Variants in COL18A1 observed in about 807,000 individuals in gnomAD.
COL18A1 encodes collagen alpha-1(XVIII) chain.
In COL18A1, 133 loss-of-function variants were observed where a neutral mutation model predicts 168.0. The ratio of observed to expected loss-of-function variants is 0.79; its 90% CI spans 0.69 to 0.91. The LOEUF (loss-of-function observed/expected upper bound fraction) is 0.91. COL18A1 is among the 40% of genes least tolerant of loss of function. The pLI, the probability that COL18A1 is intolerant of heterozygous loss-of-function variation, is 0.00. For missense variants in COL18A1, 2,126 were observed against 1,925.4 expected (o/e 1.10, Z -1.95); for synonymous variants, 949 against 809.0 (o/e 1.17, Z -2.94).
intron 2 of COL18A1, among the ~76,000 whole-genome samples, chr21:45,465,431 G>A (rs1295575398): frequency 1.3e-5 from 2 of 152,214 alleles, no homozygotes; most frequent in African/African-American, 2.4e-5. Flanking sequence ...TTTGTTCTGA[G>A]GCCGTTTTTC....
At chr21:45,464,013 T>TA (rs1481819220) in intron 2 of COL18A1, among the ~76,000 whole-genome samples, 1 of 152,238 alleles carries the variant, frequency 6.6e-6, no homozygotes, top group African/African-American at 2.4e-5. Context: ...AGAAACTCCC[T>TA]ATGGGCACTG....
chr21:45,483,438 T>G (rs1276971532), intron 15 of COL18A1, among the ~76,000 whole-genome samples: 3 of 152,184 alleles, frequency 2.0e-5, no homozygotes, highest in African/African-American at 7.2e-5. Context: ...GGCCACAGCC[T>G]GCTTGACCAG....
intron 2 of COL18A1, among the ~76,000 whole-genome samples, chr21:45,439,996 C>A (rs1254745235): frequency 6.6e-6 from 1 of 152,236 alleles, no homozygotes; most frequent in Non-Finnish European, 1.5e-5. Flanking sequence ...CACCTCCCAC[C>A]CCTTCTGTGG....
intron 2 of COL18A1, among the ~76,000 whole-genome samples, chr21:45,449,427 G>A (rs548828397): frequency 1.8e-4 from 28 of 152,278 alleles, no homozygotes; most frequent in Admixed American, 3.9e-4. Flanking sequence ...TCTGCCGAGC[G>A]GTCAGAGGGA....
intron 2 of COL18A1, chr21:45,455,845 G>C (rs1179298141): frequency 6.2e-7 from 1 of 1,613,188 alleles, no homozygotes; most frequent in Non-Finnish European, 8.5e-7. Context: ...CGCCAGAGGA[G>C]AACATTGCCG....
intron 2 of COL18A1, among the ~76,000 whole-genome samples, chr21:45,467,627 C>A (rs112064388): frequency 6.6e-6 from 1 of 152,212 alleles, no homozygotes; most frequent in Admixed American, 6.5e-5. Flanking sequence ...CTCTGGGCGA[C>A]GCCCCGTAGC....
At chr21:45,429,471 T>G (rs1455904608) in intron 2 of COL18A1, among the ~76,000 whole-genome samples, 1 of 152,096 alleles carries the variant, frequency 6.6e-6, no homozygotes, top group African/African-American at 2.4e-5. Context: ...GCCCGCCCAT[T>G]CCATCATTCA....
At chr21:45,456,508 C>T (rs1406215677) in intron 2 of COL18A1, 1 of 1,547,636 alleles carries the variant, frequency 6.5e-7, no homozygotes, top group South Asian at 1.2e-5. Context: ...TCGGGGCTGA[C>T]CCCGAGGCCC....
At position 45,482,191 on chromosome 21, in the gene COL18A1, C is replaced by T. The variant is rs576777227; in HGVS notation, c.1674+166C>T. The T allele has an allele frequency of 1.6e-4, 101 of 630,786 alleles. 2 individuals are homozygous for T. The highest frequency in any genetic ancestry group is 9.2e-4 in the South Asian group (51 of 55,604). 39.1% of individuals were successfully genotyped at this position (630,786 alleles called of 1,614,324 possible). A position where few individuals can be genotyped will look rare whatever the true frequency, so the allele number is the denominator to read the frequency against. On this transcript the variant is annotated intron_variant, in intron 14 of 41. Coordinates refer to ENST00000651438, the MANE Select transcript of COL18A1 (RefSeq NM_001379500.1). ...GCTCTGGAGGTCACCCTGACCTGGG[C>T]GGCTGGGGCTTGGGTAGAAATTCAT...
chr21:45,481,283 C>G (rs959838602), intron 13 of COL18A1, among the ~76,000 whole-genome samples: 1 of 152,148 alleles, frequency 6.6e-6, no homozygotes, highest in Non-Finnish European at 1.5e-5. Flanking sequence ...CCCACCAGCT[C>G]TGCCACACAT....
At chr21:45,460,240 C>T (rs1036231095) in intron 2 of COL18A1, among the ~76,000 whole-genome samples, 7 of 152,224 alleles carry the variant, frequency 4.6e-5, no homozygotes, top group Non-Finnish European at 8.8e-5. Flanking sequence ...CATCCACCCT[C>T]GTGGTGCAGG....
chr21:45,489,861 TGCC>T, intron 19 of COL18A1, among the ~76,000 whole-genome samples: 1 of 15,122 alleles, frequency 6.6e-5, no homozygotes, highest in East Asian at 2.2e-3. Context: ...CTCCCCCACT[TGCC>T]CCTCCCCCAC....
chr21:45,437,476 C>A, intron 2 of COL18A1, among the ~76,000 whole-genome samples: 1 of 76,032 alleles, frequency 1.3e-5, no homozygotes, highest in Non-Finnish European at 2.4e-5. Flanking sequence ...AGGCACTCTC[C>A]TGCACACACT....
intron 3 of COL18A1, among the ~76,000 whole-genome samples, chr21:45,472,904 C>T (rs2035497447): frequency 6.6e-6 from 1 of 152,234 alleles, no homozygotes; most frequent in Non-Finnish European, 1.5e-5. Context: ...CCCACACACT[C>T]AGCACTCACA....
chr21:45,479,812 G>A (rs939503235), intron 9 of COL18A1, 90 bp from the exon 10 acceptor site: 31 of 1,564,524 alleles, frequency 2.0e-5, no homozygotes, highest in Admixed American at 1.6e-4. Flanking sequence ...GCTCCCGTCC[G>A]TCCCCTGCTT....
chr21:45,440,942 C>T (rs1426912306), intron 2 of COL18A1, among the ~76,000 whole-genome samples: 3 of 152,184 alleles, frequency 2.0e-5, no homozygotes, highest in South Asian at 2.1e-4. Context: ...AGGACGTTAT[C>T]GTGCGTGGGA....
chr21:45,436,503 C>T (rs2034100542), intron 2 of COL18A1, among the ~76,000 whole-genome samples: 1 of 152,144 alleles, frequency 6.6e-6, no homozygotes, highest in Non-Finnish European at 1.5e-5. Context: ...AAGGAGAGGG[C>T]TTTCGGTTCG....
At chr21:45,500,114 G>A (rs964310253) in intron 32 of COL18A1, among the ~76,000 whole-genome samples, 2 of 150,860 alleles carry the variant, frequency 1.3e-5, no homozygotes, top group African/African-American at 4.9e-5. Flanking sequence ...TGCTGAGTGT[G>A]TGCAGTGTGG....
chr21:45,470,736 C>G (rs966916781), intron 3 of COL18A1, among the ~76,000 whole-genome samples: 1 of 152,168 alleles, frequency 6.6e-6, no homozygotes, highest in African/African-American at 2.4e-5. Context: ...ATCCACCCGC[C>G]TAAGCCTCTC....
Sources: allele counts gnomAD v4.1 joint callset (sites outside exome capture counted in the v4.1 genomes callset), GRCh38; gene constraint gnomAD v4.1.1; transcripts MANE v1.5; gene names NCBI Gene and HGNC (gene_info 2026-07-23, HGNC 2026-07-21).